The following DACH1 variants were observed in gnomAD, a reference collection of about 807,000 sequenced individuals.
The protein encoded by DACH1 is dachshund family transcription factor 1, also known as dachshund homolog 1.
In DACH1, 12 loss-of-function variants were observed where a neutral mutation model predicts 54.2. The ratio of observed to expected loss-of-function variants is 0.22; its 90% confidence interval spans 0.14 to 0.36. The LOEUF (loss-of-function observed/expected upper bound fraction) is 0.36, where lower values mean the gene tolerates loss of function less well. Among genes scored for constraint, DACH1 ranks in the 10% least tolerant of loss-of-function variants. The pLI, the probability that DACH1 is intolerant of heterozygous loss-of-function variation, is 1.00. For missense variants in DACH1, 805 were observed against 929.8 expected, an observed-to-expected ratio of 0.87 and a Z score of 1.75; for synonymous variants, 386 against 366.2, an observed-to-expected ratio of 1.05 and a Z score of -0.62.
chr13:71,774,888 A>T (rs1885997425), intron 1 of DACH1, among the ~76,000 whole-genome samples: 1 of 152,118 alleles, frequency 6.6e-6, no homozygotes, highest in Non-Finnish European at 1.5e-5. Flanking sequence ...ATTGTTAGAA[A>T]GATCATTGTT....
chr13:71,572,893 C>T lies in DACH1; in HGVS notation c.1246G>A (p.Ala416Thr), dbSNP rs772212675. ...NHLSTIANMA[A>T]AAQVQSPPSR... Reference sequence around the variant, plus strand: ...GGGGGACTCTGAACTTGTGCTGCTGCTGCCATATTTGCAATGGTGCTGAGG... The same window carrying T: ...GGGGGACTCTGAACTTGTGCTGCTGTTGCCATATTTGCAATGGTGCTGAGG... Residue 416 changes from alanine to threonine, a missense_variant, in exon 4 of 11, where the codon GCA (alanine) becomes ACA (threonine). Ala to Thr is a moderately conservative substitution (Grantham distance 58). Coordinates refer to ENST00000613252, the MANE Select transcript of DACH1 (RefSeq NM_080759.6). The T allele has an allele frequency of 1.2e-6, 2 of 1,613,998 alleles. No homozygotes were observed. The highest frequency in any genetic ancestry group is 2.2e-5 in the South Asian group (2 of 91,080).
chr13:71,815,022 G>A (rs545837977), intron 1 of DACH1, among the ~76,000 whole-genome samples: 2 of 152,286 alleles, frequency 1.3e-5, no homozygotes, highest in East Asian at 3.9e-4. Flanking sequence ...GTCTGTAGGT[G>A]TCAATCAAGA....
intron 2 of DACH1, among the ~76,000 whole-genome samples, chr13:71,666,111 C>T (rs1368611953): frequency 1.3e-5 from 2 of 152,070 alleles, no homozygotes; most frequent in Non-Finnish European, 2.9e-5. Flanking sequence ...AGAAACTACG[C>T]TAGCAATAGA....
chr13:71,534,915 C>A (rs1019587789), intron 6 of DACH1, among the ~76,000 whole-genome samples: 5 of 151,634 alleles, frequency 3.3e-5, no homozygotes, highest in Non-Finnish European at 4.4e-5. Context: ...GTGTTCTATG[C>A]AAATAGTGCT....
chr13:71,848,635 C>T (rs927581837), intron 1 of DACH1, among the ~76,000 whole-genome samples: 1 of 151,922 alleles, frequency 6.6e-6, no homozygotes, highest in Non-Finnish European at 1.5e-5. Context: ...GCCTCGACCT[C>T]CAAGGCTCAA....
intron 6 of DACH1, among the ~76,000 whole-genome samples, chr13:71,503,353 T>C (rs1340240098): frequency 7.9e-5 from 12 of 152,184 alleles, no homozygotes; most frequent in African/African-American, 2.9e-4. Context: ...GTTGAATATC[T>C]GATATAATTT....
chr13:71,603,127 G>GTAAC (rs377030710), intron 3 of DACH1, among the ~76,000 whole-genome samples: 79 of 152,102 alleles, frequency 5.2e-4, no homozygotes, highest in African/African-American at 1.8e-3. Flanking sequence ...CATACAGAAT[G>GTAAC]TAACGGTCAC....
At position 71,770,443 on chromosome 13, in the gene DACH1, C is replaced by T. The variant is rs1486668761; in HGVS notation, c.849-88533G>A. On this transcript the variant is annotated intron_variant, in intron 1 of 10. Coordinates refer to ENST00000613252, the MANE Select transcript of DACH1 (RefSeq NM_080759.6). ...TCAGCTGAAATTATCCATCATTCTG[C>T]TAGTCTTAAATCATCCTTTAATTCT... is the stretch of plus-strand genomic sequence containing the variant. Among the ~76,000 whole-genome samples, 7 of 151,592 alleles carry T rather than the reference C, an allele frequency of 4.6e-5. No individual in the cohort carries two copies. The East Asian group carries it at 1.3e-3, about 29-fold the overall frequency.
intron 1 of DACH1, among the ~76,000 whole-genome samples, chr13:71,684,409 C>T (rs573358774): frequency 6.6e-6 from 1 of 152,248 alleles, no homozygotes; most frequent in Admixed American, 6.5e-5. Context: ...TTCCTACATT[C>T]ATAGCTTATA....
At position 71,768,648 on chromosome 13, in the gene DACH1, G is replaced by A. The variant is rs570406244; in HGVS notation, c.849-86738C>T. Among the ~76,000 whole-genome samples the A allele has an allele frequency of 7.2e-5, 11 of 151,992 alleles. No homozygotes were observed. The South Asian group carries it at 2.3e-3, about 31-fold the overall frequency. ...TCTCTAATTCAAAAGACAGGTAATT[G>A]TAGAACAAAATAAGGCAGCTCAAAT... On this transcript the variant is annotated intron_variant, in intron 1 of 10. Coordinates refer to ENST00000613252, the MANE Select transcript of DACH1 (RefSeq NM_080759.6).
chr13:71,843,691 T>C (rs1594290842), intron 1 of DACH1, among the ~76,000 whole-genome samples: 1 of 152,344 alleles, frequency 6.6e-6, no homozygotes, highest in East Asian at 1.9e-4. Flanking sequence ...GAAGCTTTTC[T>C]TGTTTATTAA....
At position 71,590,466 on chromosome 13, in the gene DACH1, C is replaced by T. The variant is rs116958575; in HGVS notation, c.1127-17454G>A. ...AGAATTAAAATTTGATGGATAAATA[C>T]ACAATCTGGCCTCACTGGTTGTACT... On this transcript the variant is annotated intron_variant, in intron 3 of 10. Transcript: ENST00000613252. 7.2e-4 allele frequency among the ~76,000 whole-genome samples: 110 copies of T among 152,242 alleles called. No homozygotes were observed. The East Asian group carries it at 0.017, about 23-fold the overall frequency.
rs577464865 is a variant in DACH1 at position 71,608,522 on chromosome 13, C to G, written c.1126+22034G>C. On this transcript the variant is annotated intron_variant, in intron 3 of 10. Transcript: ENST00000613252. ...TTAGACAGTATTTATTACCATATGG[C>G]TACCAGAAATTCTTAAAAATAAACT... Among the ~76,000 whole-genome samples the G allele has an allele frequency of 9.7e-4, 148 of 152,098 alleles. 1 individual carries two copies. Among genetic ancestry groups the G allele is most frequent in the Non-Finnish European group, 1.7e-3 (114 of 67,908 alleles).
At chr13:71,522,684 T>G (rs912630302) in intron 6 of DACH1, among the ~76,000 whole-genome samples, 1 of 152,082 alleles carries the variant, frequency 6.6e-6, no homozygotes, top group Non-Finnish European at 1.5e-5. Context: ...AACTATATTT[T>G]TATTATTCTT....
intron 2 of DACH1, chr13:71,675,231 G>T (rs749390195): frequency 1.0e-5 from 16 of 1,572,326 alleles, no homozygotes; most frequent in African/African-American, 1.4e-5. Context: ...GACGTTATCA[G>T]AAGTCCACTG....
At chr13:71,451,083 A>G (rs2138116331) in intron 10 of DACH1, among the ~76,000 whole-genome samples, 1 of 152,200 alleles carries the variant, frequency 6.6e-6, no homozygotes, top group Middle Eastern at 3.4e-3. Flanking sequence ...TCAACTATCT[A>G]TTGTTTGTCT....
At chr13:71,815,142 A>T (rs1411219948) in intron 1 of DACH1, among the ~76,000 whole-genome samples, 3 of 152,218 alleles carry the variant, frequency 2.0e-5, no homozygotes, top group African/African-American at 7.2e-5. Flanking sequence ...TTGTTATGAC[A>T]CTTAGCAAGC....
At chr13:71,781,614 G>A (rs914337584) in intron 1 of DACH1, among the ~76,000 whole-genome samples, 2 of 151,908 alleles carry the variant, frequency 1.3e-5, no homozygotes, top group African/African-American at 4.8e-5. Flanking sequence ...TCCTGACCTC[G>A]TGATCCGCCC....
intron 1 of DACH1, among the ~76,000 whole-genome samples, chr13:71,783,661 TAAG>T (rs1335915902): frequency 1.3e-5 from 2 of 152,126 alleles, no homozygotes; most frequent in African/African-American, 4.8e-5. Context: ...CAATAGATTA[TAAG>T]AAGGAGTCTT....
Sources: gnomAD v4.1 joint callset for allele counts (sites outside exome capture counted in the v4.1 genomes callset) on GRCh38, gnomAD v4.1.1 for gene constraint, MANE v1.5 for transcripts, NCBI Gene and HGNC (gene_info 2026-07-23, HGNC 2026-07-21) for gene names.